DOT1L: variants seen among roughly 807,000 people sequenced by gnomAD.
DOT1L encodes histone-lysine N-methyltransferase, H3 lysine-79 specific.
DOT1L carries 33 observed loss-of-function variants against 153.3 expected under a neutral mutation model. The ratio of observed to expected loss-of-function variants is 0.22; its 90% confidence interval spans 0.16 to 0.29. The LOEUF is 0.29. Ranked by LOEUF, DOT1L falls within the 10% of genes least tolerant of loss-of-function variation. DOT1L has a pLI of 1.00. For synonymous variants in DOT1L, 1,135 were observed against 965.1 expected, an observed-to-expected ratio of 1.18 and a Z score of -3.26; for missense variants, 1,847 against 2,119.9, an observed-to-expected ratio of 0.87 and a Z score of 2.53.
chr19:2,189,835 C>G (rs758450615), intron 4 of DOT1L, 40 bp downstream of exon 4: 1 of 1,606,760 alleles, frequency 6.2e-7, no homozygotes, highest in South Asian at 1.1e-5. Flanking sequence ...TTAGTAGTGC[C>G]AGGCTCCCGG....
chr19:2,185,576 C>G (rs576113501), intron 2 of DOT1L, among the ~76,000 whole-genome samples: 5 of 152,240 alleles, frequency 3.3e-5, no homozygotes, highest in Non-Finnish European at 5.9e-5. Flanking sequence ...TGAGACCAGC[C>G]TTGCCAAAAT....
At position 2,208,791 on chromosome 19, in the gene DOT1L, C is replaced by A; in HGVS notation, c.964-144C>A. 1 of 807,166 alleles carries A rather than the reference C, an allele frequency of 1.2e-6. No individual in the cohort carries two copies. The allele number at this position is 807,166 out of a possible 1,614,324, so 50.0% of individuals were successfully genotyped here. A position where few individuals can be genotyped will look rare whatever the true frequency, so the allele number is the denominator to read the frequency against. ...CACATCCGCGTTTGCCACTGGGGGGCTCTAGCTGCATGCCTGCTGTCCCCA... is the reference window on the plus strand; with the variant it reads ...CACATCCGCGTTTGCCACTGGGGGGATCTAGCTGCATGCCTGCTGTCCCCA... On this transcript the variant is annotated intron_variant, in intron 11 of 27. Coordinates refer to ENST00000398665, the MANE Select transcript of DOT1L (RefSeq NM_032482.3). The surrounding 1 kb of genome is among the most constrained non-coding windows in gnomAD (Gnocchi z 4.4).
At chr19:2,174,655 G>C (rs1462607459) in intron 1 of DOT1L, among the ~76,000 whole-genome samples, 1 of 151,992 alleles carries the variant, frequency 6.6e-6, no homozygotes, top group Non-Finnish European at 1.5e-5. Context: ...GGGTCTTGCT[G>C]TTCACCCAGG....
chr19:2,211,124 G>A lies in DOT1L; in HGVS notation c.1377G>A (p.Pro459=), dbSNP rs755828452. The A allele has an allele frequency of 1.4e-5, 23 of 1,612,966 alleles. No homozygotes were observed. The highest frequency in any genetic ancestry group is 1.9e-5 in the Non-Finnish European group (22 of 1,179,786). The change falls in exon 15 of 28, where the codon CCG becomes CCA. Residue 459 remains proline (P), a synonymous_variant. Transcript: ENST00000398665. ...ATGCCTACAGATCCCCTCACAGCCC[G>A]TTCTACCAGCTACCTCCGAGCGTGC... is the stretch of plus-strand genomic sequence containing the variant. ...PQDAYRSPHS[P]FYQLPPSVQR... is the part of the protein sequence containing the mutation.
chr19:2,222,890 A>ACC lies in DOT1L; in HGVS notation c.3390+331_3390+332insCC. 5.1e-6 allele frequency: 2 copies of ACC among 395,412 alleles called. No homozygotes were observed. Among genetic ancestry groups the ACC allele is most frequent in the Non-Finnish European group, 9.0e-6 (2 of 221,734 alleles). 24.5% of individuals were successfully genotyped at this position (395,412 alleles called of 1,614,324 possible). On this transcript the variant is annotated intron_variant, in intron 24 of 27. Transcript: ENST00000398665. This position sits in a 1 kb window ranked among gnomAD's most constrained non-coding sequence, Gnocchi z 6.5. ...ACTCCCTCTCGGGGGGACAAAAAAA[A>ACC]ACACAAAAAAAAACAGGTGGAGGCA...
intron 1 of DOT1L, among the ~76,000 whole-genome samples, chr19:2,180,344 T>G (rs1442970318): frequency 6.6e-6 from 1 of 152,144 alleles, no homozygotes; most frequent in African/African-American, 2.4e-5. Context: ...TGGGCTGTGT[T>G]GAGGGATCAA....
rs1369896449 is a variant in DOT1L, at chr19:2,217,698, G to A, written c.2545-74G>A. The A allele has an allele frequency of 1.0e-5, 16 of 1,535,958 alleles. No homozygotes were observed. The highest frequency in any genetic ancestry group is 3.4e-4 in the Middle Eastern group (2 of 5,860). On this transcript the variant is annotated intron_variant, in intron 21 of 27. Coordinates refer to ENST00000398665, the MANE Select transcript of DOT1L (RefSeq NM_032482.3). The surrounding 1 kb of genome is among the most constrained non-coding windows in gnomAD (Gnocchi z 7.3). ...CTTGAGAGAGCTGTAGCAGGCCCCC[G>A]TCCTGTGGCTGTGGTCCCTGTGTCC...
At chr19:2,205,340 C>T (rs1239334731) in intron 9 of DOT1L, among the ~76,000 whole-genome samples, 5 of 152,260 alleles carry the variant, frequency 3.3e-5, no homozygotes, top group South Asian at 2.1e-4. Context: ...CTCGGTCCTG[C>T]GAAGTTCGGC....
In DOT1L at chr19:2,193,788, GC is replaced by G; in HGVS notation, c.588+6del. 1 of 1,613,370 alleles carries G rather than the reference GC, an allele frequency of 6.2e-7. No individual in the cohort carries two copies. Among genetic ancestry groups the G allele is most frequent in the Non-Finnish European group, 8.5e-7 (1 of 1,179,688 alleles). On this transcript the variant is annotated splice_donor_region_variant and intron_variant, in intron 6 of 27. Transcript: ENST00000398665. This position sits in a 1 kb window ranked among gnomAD's most constrained non-coding sequence, Gnocchi z 5.9. ...ATCCCGGCCAAGTATGCGGAGGTGA[GC>G]GGATCTGAGGGCCAGGGTGTGTTGG...
In DOT1L at chr19:2,216,553, G is replaced by A. The variant is rs2023908636; in HGVS notation, c.2196G>A (p.Lys732=). 1 of 1,610,140 alleles carries A rather than the reference G, an allele frequency of 6.2e-7. No homozygotes were observed. The highest frequency in any genetic ancestry group is 1.3e-5 in the African/African-American group (1 of 74,924). ...LCGVLSRPSS[K]QNTPQYLASP... is the part of the protein sequence containing the mutation. ...GTGTGCTGAGCCGGCCTTCGTCGAA[G>A]CAGAACACGCCCCAGTACCTGGCCT... The change falls in exon 20 of 28, where the codon AAG becomes AAA. Residue 732 remains lysine (K), a synonymous_variant. Transcript: ENST00000398665.
rs1296532382 is a variant in DOT1L, at chr19:2,232,112, C to A, written c.*2320C>A. The A allele has an allele frequency of 4.6e-6, 1 of 219,774 alleles. No homozygotes were observed. The highest frequency in any genetic ancestry group is 9.1e-6 in the Non-Finnish European group (1 of 109,604). 13.6% of individuals were successfully genotyped at this position (219,774 alleles called of 1,614,324 possible). A position where few individuals can be genotyped will look rare whatever the true frequency, so the allele number is the denominator to read the frequency against. ...TCTGGAGCCTGGTGCTGGCACCTGG[C>A]CTGAGTTTCCGTGGGCAGCTGGCGG... On this transcript the variant is annotated 3_prime_UTR_variant, in exon 28 of 28. Transcript: ENST00000398665.
intron 3 of DOT1L, 86 bp downstream of exon 3, chr19:2,186,015 C>T (rs776455474): frequency 7.8e-7 from 1 of 1,279,250 alleles, no homozygotes; most frequent in Non-Finnish European, 1.1e-6. Context: ...ATAATTAGCT[C>T]TTCTTAGATG....
chr19:2,165,322 C>T (rs1360783090), intron 1 of DOT1L, among the ~76,000 whole-genome samples: 3 of 152,184 alleles, frequency 2.0e-5, no homozygotes, highest in African/African-American at 7.2e-5. Context: ...GAAACGTGCT[C>T]GCTGGGGGCG....
chr19:2,185,303 C>T (rs761562310), intron 2 of DOT1L, among the ~76,000 whole-genome samples: 1 of 152,156 alleles, frequency 6.6e-6, no homozygotes, highest in Non-Finnish European at 1.5e-5. Context: ...TCACTTAGGT[C>T]CCCAGAGCCA....
rs941565186 is a variant in DOT1L, at chr19:2,190,168, G to A, written c.264+373G>A. On this transcript the variant is annotated intron_variant, in intron 4 of 27. Transcript: ENST00000398665. This position sits in a 1 kb window ranked among gnomAD's most constrained non-coding sequence, Gnocchi z 4.8. ...TTCCCCCTTGGACCTCCCCCACACC[G>A]CCTGCCTTCATCAGGCTGGATGCCG... 6.6e-6 allele frequency among the ~76,000 whole-genome samples: 1 copy of A among 152,106 alleles called. No homozygotes were observed. Among genetic ancestry groups the A allele is most frequent in the East Asian group, 1.9e-4 (1 of 5,168 alleles).
chr19:2,167,698 A>G (rs2019977683), intron 1 of DOT1L, among the ~76,000 whole-genome samples: 1 of 151,358 alleles, frequency 6.6e-6, no homozygotes, highest in Non-Finnish European at 1.5e-5. Flanking sequence ...GCTTTCTCAC[A>G]AGAAGTGAGG....
chr19:2,222,422 A>G lies in DOT1L; in HGVS notation c.3253A>G (p.Arg1085Gly), dbSNP rs2144905711. 2.5e-6 allele frequency: 4 copies of G among 1,610,144 alleles called. No individual in the cohort carries two copies. Among genetic ancestry groups the G allele is most frequent in the Non-Finnish European group, 3.4e-6 (4 of 1,178,694 alleles). ...CVPSHGQDSR[R>G]RGRRKRASAG... Reference sequence around the variant, plus strand: ...GCCGAGCCACGGGCAGGACAGTCGCAGGCGCGGCCGGCGGAAGCGAGCATC... The same window carrying G: ...GCCGAGCCACGGGCAGGACAGTCGCGGGCGCGGCCGGCGGAAGCGAGCATC... Residue 1085 changes from arginine (R) to glycine (G), a missense_variant, in exon 24 of 28, where the codon AGG (arginine) becomes GGG (glycine). Coordinates refer to ENST00000398665, the MANE Select transcript of DOT1L (RefSeq NM_032482.3). This position sits in a 1 kb window ranked among gnomAD's most constrained non-coding sequence, Gnocchi z 6.5.
In DOT1L at chr19:2,216,431, C is replaced by G. The variant is rs374658804; in HGVS notation, c.2074C>G (p.Leu692Val). ...GGAGCCTGACGCCAGCCGGCTGCAC[C>G]TGGAGCTGGACTGCACCAAGTTCTC... is the stretch of plus-strand genomic sequence containing the variant. The part of the protein sequence containing the change: ...ELEPDASRLH[L>V]ELDCTKFSLP... Residue 692 changes from leucine to valine, a missense_variant, in exon 20 of 28, where the codon CTG (leucine) becomes GTG (valine). Leu to Val is a conservative substitution (Grantham distance 32). Coordinates refer to ENST00000398665, the MANE Select transcript of DOT1L (RefSeq NM_032482.3). 28 of 1,612,498 alleles carry G rather than the reference C, an allele frequency of 1.7e-5. No individual in the cohort carries two copies. The African/African-American group carries it at 3.6e-4, about 21-fold the overall frequency.
intron 2 of DOT1L, among the ~76,000 whole-genome samples, chr19:2,183,937 T>C (rs2144711366): frequency 6.6e-6 from 1 of 152,306 alleles, no homozygotes; most frequent in Non-Finnish European, 1.5e-5. Flanking sequence ...TGGTGCTTTT[T>C]TATGTGGCAT....
Sources: allele counts gnomAD v4.1 joint callset (sites outside exome capture counted in the v4.1 genomes callset), GRCh38; gene constraint gnomAD v4.1.1; non-coding constraint Gnocchi (gnomAD v3.1); transcripts MANE v1.5; gene names NCBI Gene and HGNC (gene_info 2026-07-23, HGNC 2026-07-21).